The following VIPR2 variants were observed in gnomAD, a reference collection of about 807,000 sequenced individuals.
The protein encoded by VIPR2 is vasoactive intestinal polypeptide receptor 2.
In VIPR2, 48 loss-of-function variants were observed where a neutral mutation model predicts 58.0. The observed-to-expected ratio is 0.83, with a 90% CI of 0.66 to 1.05. The LOEUF (loss-of-function observed/expected upper bound fraction) is 1.05, where lower values mean the gene tolerates loss of function less well. Ranked by LOEUF, VIPR2 falls within the 50% of genes least tolerant of loss-of-function variation. VIPR2 has a pLI of 0.00. For synonymous variants in VIPR2, 243 were observed against 235.2 expected, an observed-to-expected ratio of 1.03 and a Z score of -0.30; for missense variants, 534 against 558.0, an observed-to-expected ratio of 0.96 and a Z score of 0.43.
rs561219665 is a variant in VIPR2, at chr7:159,058,234, A to G, written c.455+247T>C. 2.0e-5 allele frequency among the ~76,000 whole-genome samples: 3 copies of G among 152,338 alleles called. No individual in the cohort carries two copies. The South Asian group carries it at 6.2e-4, about 32-fold the overall frequency. On this transcript the variant is annotated intron_variant, in intron 5 of 12. Transcript: ENST00000262178. Reference sequence around the variant, plus strand: ...TTTTCCACGCATTTGCATAATGGCTAAGTATTTAATAAATGATAGCTGAGC... The same window carrying G: ...TTTTCCACGCATTTGCATAATGGCTGAGTATTTAATAAATGATAGCTGAGC...
intron 6 of VIPR2, among the ~76,000 whole-genome samples, chr7:159,037,153 G>A (rs987432432): frequency 3.9e-5 from 6 of 152,222 alleles, no homozygotes; most frequent in African/African-American, 1.4e-4. Context: ...GAACAGCACT[G>A]CCTGAGGTGA....
intron 6 of VIPR2, among the ~76,000 whole-genome samples, chr7:159,039,851 C>T (rs911490647): frequency 2.0e-5 from 3 of 152,170 alleles, no homozygotes; most frequent in East Asian, 1.9e-4. Flanking sequence ...GACGCATGTC[C>T]GGTGATGCCT....
chr7:159,136,353 C>T (rs183314103), intron 2 of VIPR2, among the ~76,000 whole-genome samples: 2 of 152,328 alleles, frequency 1.3e-5, no homozygotes, highest in East Asian at 3.9e-4. Flanking sequence ...ATGACCCAAT[C>T]ACCTCTTCAA....
intron 2 of VIPR2, among the ~76,000 whole-genome samples, chr7:159,132,512 G>A (rs112217150): frequency 6.6e-6 from 1 of 152,352 alleles, no homozygotes; most frequent in African/African-American, 2.4e-5. Context: ...GGAATTATGG[G>A]TTCATCAGAA....
chr7:159,107,725 G>C (rs1012728718), intron 3 of VIPR2, among the ~76,000 whole-genome samples: 4 of 152,120 alleles, frequency 2.6e-5, no homozygotes, highest in African/African-American at 9.7e-5. Flanking sequence ...ACCCGGGGAA[G>C]GAGCTGCCCA....
intron 6 of VIPR2, among the ~76,000 whole-genome samples, chr7:159,038,963 C>T (rs1854147226): frequency 1.3e-5 from 2 of 152,178 alleles, no homozygotes; most frequent in African/African-American, 2.4e-5. Context: ...GCCGGAACAG[C>T]TTGTGGAAAG....
At chr7:159,065,767 C>T (rs1209605221) in intron 4 of VIPR2, among the ~76,000 whole-genome samples, 5 of 152,216 alleles carry the variant, frequency 3.3e-5, no homozygotes, top group Non-Finnish European at 7.3e-5. Flanking sequence ...AGAAACCCTC[C>T]GCCCAGAAAG....
At chr7:159,036,654 A>G in intron 7 of VIPR2, 98 bp downstream of exon 7, 1 of 1,434,184 alleles carries the variant, frequency 7.0e-7, no homozygotes, top group Non-Finnish European at 9.4e-7. Flanking sequence ...CATGCATTCT[A>G]CGGGGGCGGC....
chr7:159,078,468 G>T (rs1048895289), intron 4 of VIPR2, among the ~76,000 whole-genome samples: 1 of 152,164 alleles, frequency 6.6e-6, no homozygotes, highest in Non-Finnish European at 1.5e-5. Context: ...ATATTCAAAA[G>T]CTGATTTCCA....
At chr7:159,078,180 C>A (rs986055653) in intron 4 of VIPR2, among the ~76,000 whole-genome samples, 2 of 152,198 alleles carry the variant, frequency 1.3e-5, no homozygotes, top group Admixed American at 6.5e-5. Flanking sequence ...ACTTCCCCCC[C>A]TCATTTTACC....
chr7:159,109,963 A>C, intron 2 of VIPR2, 44 bp from the exon 3 acceptor site: 1 of 1,586,382 alleles, frequency 6.3e-7, no homozygotes, highest in Non-Finnish European at 8.6e-7. Flanking sequence ...AGGTGACAGA[A>C]GTGTCACAAA....
At chr7:159,104,548 G>A (rs1372753271) in intron 3 of VIPR2, among the ~76,000 whole-genome samples, 18 of 91,582 alleles carry the variant, frequency 2.0e-4, no homozygotes, top group African/African-American at 5.0e-4. Flanking sequence ...TCCCAGCAAT[G>A]CCCTCCCTCC....
chr7:159,141,410 G>A (rs77003675), intron 2 of VIPR2, among the ~76,000 whole-genome samples: 9,309 of 152,292 alleles, frequency 0.061, 624 homozygotes, highest in African/African-American at 0.16. Flanking sequence ...GGATGGGAAC[G>A]GGCAGGGACA....
At chr7:159,069,438 A>G (rs1051805888) in intron 4 of VIPR2, among the ~76,000 whole-genome samples, 5 of 152,130 alleles carry the variant, frequency 3.3e-5, no homozygotes, top group African/African-American at 9.7e-5. Flanking sequence ...TGCGGAATCC[A>G]TCTCTTGTCT....
At chr7:159,132,353 G>A (rs563606326) in intron 2 of VIPR2, among the ~76,000 whole-genome samples, 1 of 139,634 alleles carries the variant, frequency 7.2e-6, no homozygotes, top group East Asian at 2.0e-4. Context: ...CCGACTCCAT[G>A]GGAGCAGTTT....
At chr7:159,045,189 C>G (rs1340674529) in intron 5 of VIPR2, among the ~76,000 whole-genome samples, 1 of 152,124 alleles carries the variant, frequency 6.6e-6, no homozygotes, top group South Asian at 2.1e-4. Flanking sequence ...AGCCCAAGAG[C>G]CTAAGAGACT....
intron 2 of VIPR2, among the ~76,000 whole-genome samples, chr7:159,131,551 G>A (rs967423343): frequency 6.6e-6 from 1 of 152,034 alleles, no homozygotes; most frequent in African/African-American, 2.4e-5. Context: ...CTACCTCCTC[G>A]CCCCTCTCCC....
At chr7:159,118,274 T>C (rs1796319405) in intron 2 of VIPR2, among the ~76,000 whole-genome samples, 1 of 152,182 alleles carries the variant, frequency 6.6e-6, no homozygotes, top group Admixed American at 6.5e-5. Flanking sequence ...GGTAACAGGA[T>C]TCTTCCTGGA....
intron 4 of VIPR2, among the ~76,000 whole-genome samples, chr7:159,103,302 A>G (rs982219737): frequency 6.6e-6 from 1 of 152,148 alleles, no homozygotes; most frequent in Non-Finnish European, 1.5e-5. Context: ...AGTTGAAAAG[A>G]CACCCTAATT....
Sources: gnomAD v4.1 joint callset for allele counts (sites outside exome capture counted in the v4.1 genomes callset) on GRCh38, gnomAD v4.1.1 for gene constraint, MANE v1.5 for transcripts, NCBI Gene and HGNC (gene_info 2026-07-23, HGNC 2026-07-21) for gene names.